Variants in CADM2 observed in about 807,000 individuals in gnomAD.
CADM2 encodes cell adhesion molecule 2.
Under a neutral mutation model 49.8 loss-of-function variants are expected in CADM2, and 12 were observed. That is an observed-to-expected ratio of 0.24 (90% CI 0.15 to 0.39). The LOEUF is 0.39. Ranked by LOEUF, CADM2 falls within the 10% of genes least tolerant of loss-of-function variation. The pLI is 1.00. For missense variants in CADM2, 378 were observed against 492.3 expected, an observed-to-expected ratio of 0.77 and a Z score of 2.20; for synonymous variants, 214 against 175.4, an observed-to-expected ratio of 1.22 and a Z score of -1.74.
chr3:85,985,358 G>C (rs777628621), intron 8 of CADM2, among the ~76,000 whole-genome samples: 6 of 151,806 alleles, frequency 4.0e-5, no homozygotes, highest in Non-Finnish European at 8.8e-5. Context: ...ACTTCCCCAG[G>C]CCCCAGCTCT....
At chr3:85,076,303 T>TTTTGTGTGTG (rs760904086) in intron 1 of CADM2, among the ~76,000 whole-genome samples, 6 of 139,256 alleles carry the variant, frequency 4.3e-5, no homozygotes, top group Non-Finnish European at 7.7e-5. Context: ...AAAAAAGAAA[T>TTTTGTGTGTG]TGTGTGTGTG....
chr3:85,186,129 T>A (rs1032163820), intron 1 of CADM2, among the ~76,000 whole-genome samples: 3 of 152,168 alleles, frequency 2.0e-5, no homozygotes, highest in Admixed American at 6.6e-5. Context: ...AGTATATTTT[T>A]AAACTAGAAC....
At chr3:85,471,585 T>G (rs2107609966) in intron 1 of CADM2, among the ~76,000 whole-genome samples, 1 of 152,216 alleles carries the variant, frequency 6.6e-6, no homozygotes, top group South Asian at 2.1e-4. Context: ...TAGATTTTCC[T>G]AAGACTTTTC....
chr3:85,460,171 A>G (rs972243296), intron 1 of CADM2, among the ~76,000 whole-genome samples: 5 of 152,108 alleles, frequency 3.3e-5, no homozygotes, highest in African/African-American at 1.2e-4. Flanking sequence ...TAATGTTCAT[A>G]CTAAACTTTA....
At chr3:85,829,658 C>G (rs761085745) in intron 3 of CADM2, among the ~76,000 whole-genome samples, 3 of 151,938 alleles carry the variant, frequency 2.0e-5, no homozygotes, top group Non-Finnish European at 4.4e-5. Flanking sequence ...TATTCTTTGA[C>G]TGACATTTCC....
intron 3 of CADM2, among the ~76,000 whole-genome samples, chr3:85,814,139 G>A (rs753431697): frequency 2.0e-5 from 3 of 152,022 alleles, no homozygotes; most frequent in Non-Finnish European, 4.4e-5. Context: ...GGGCATTATG[G>A]CCATTTTCTC....
At chr3:85,170,952 C>CT (rs1219446782) in intron 1 of CADM2, among the ~76,000 whole-genome samples, 2 of 152,046 alleles carry the variant, frequency 1.3e-5, no homozygotes, top group Non-Finnish European at 2.9e-5. Context: ...CAGCCTGGGG[C>CT]TTTTTTTCAG....
At chr3:85,429,320 C>T (rs60102418) in intron 1 of CADM2, among the ~76,000 whole-genome samples, 6,434 of 151,968 alleles carry the variant, frequency 0.042, 461 homozygotes, top group African/African-American at 0.15. Context: ...TTTTATGCCC[C>T]GCACGATGAA....
At position 84,959,468 on chromosome 3, in the gene CADM2, T is replaced by A. The variant is rs2030225848; in HGVS notation, c.-140T>A. On this transcript the variant is annotated 5_prime_UTR_variant, in exon 1 of 10. Coordinates refer to ENST00000383699, the MANE Select transcript of CADM2 (RefSeq NM_001167675.2). ...GCTGCCGCCGATCCGAGTCCGCGGG[T>A]TCGAACACCGCAGCGGTGGGGACGG... The A allele has an allele frequency of 2.6e-6, 2 of 754,978 alleles. No individual in the cohort carries two copies. The highest frequency in any genetic ancestry group is 3.5e-5 in the South Asian group (2 of 56,366). 46.8% of individuals were successfully genotyped at this position (754,978 alleles called of 1,614,324 possible). A position where few individuals can be genotyped will look rare whatever the true frequency, so the allele number is the denominator to read the frequency against.
chr3:85,260,150 G>A (rs903664824), intron 1 of CADM2, among the ~76,000 whole-genome samples: 2 of 151,904 alleles, frequency 1.3e-5, no homozygotes, highest in Non-Finnish European at 2.9e-5. Flanking sequence ...CACAATCAAT[G>A]TGAAAAAATG....
intron 3 of CADM2, among the ~76,000 whole-genome samples, chr3:85,864,969 C>G (rs1396336808): frequency 2.0e-5 from 3 of 152,170 alleles, no homozygotes; most frequent in African/African-American, 7.2e-5. Context: ...CTTAATCTCT[C>G]TAGTCACTTA....
intron 1 of CADM2, among the ~76,000 whole-genome samples, chr3:85,213,352 T>C (rs112478800): frequency 9.1e-6 from 1 of 110,262 alleles, no homozygotes; most frequent in Non-Finnish European, 1.9e-5. Flanking sequence ...TCTAGTATAA[T>C]TTTTTTTTTC....
chr3:85,615,871 T>C (rs934250914), intron 1 of CADM2, among the ~76,000 whole-genome samples: 1 of 151,904 alleles, frequency 6.6e-6, no homozygotes, highest in African/African-American at 2.4e-5. Context: ...ATGAGTTGGG[T>C]TGCTATCCAT....
chr3:85,777,038 TA>T (rs1005495754), intron 2 of CADM2, among the ~76,000 whole-genome samples: 3 of 152,084 alleles, frequency 2.0e-5, no homozygotes, highest in African/African-American at 7.2e-5. Flanking sequence ...TGTTTCCTTT[TA>T]AACCGTTTCA....
chr3:85,757,720 A>G (rs757863368), intron 2 of CADM2, among the ~76,000 whole-genome samples: 7 of 152,144 alleles, frequency 4.6e-5, no homozygotes, highest in South Asian at 2.1e-4. Context: ...TTTATGACTT[A>G]GTATATAATG....
rs1055537523 is a variant in CADM2 at position 85,342,050 on chromosome 3, G to T, written c.61+382382G>T. 2.4e-4 allele frequency among the ~76,000 whole-genome samples: 37 copies of T among 152,090 alleles called. 1 individual carries two copies. Among genetic ancestry groups the T allele is most frequent in the Admixed American group, 2.4e-3 (37 of 15,254 alleles). On this transcript the variant is annotated intron_variant, in intron 1 of 9. Coordinates refer to ENST00000383699, the MANE Select transcript of CADM2 (RefSeq NM_001167675.2). ...ACTAAAGAGCTTCTGAACAGCAAAA[G>T]AAACTATCATCACAGTGAACAGGCA...
chr3:86,013,448 A>G (rs1731805068), intron 8 of CADM2: 3 of 1,584,700 alleles, frequency 1.9e-6, no homozygotes, highest in Non-Finnish European at 2.6e-6. Context: ...ACTTTCAAGC[A>G]CTGCTGGAGT....
intron 1 of CADM2, among the ~76,000 whole-genome samples, chr3:85,194,567 T>C (rs2041292382): frequency 6.6e-6 from 1 of 151,902 alleles, no homozygotes; most frequent in Admixed American, 6.6e-5. Flanking sequence ...CACTAGAGTG[T>C]GAATGAAGGA....
intron 1 of CADM2, among the ~76,000 whole-genome samples, chr3:84,984,858 A>T (rs1291052811): frequency 6.6e-6 from 1 of 152,190 alleles, no homozygotes; most frequent in Non-Finnish European, 1.5e-5. Flanking sequence ...CCAAACATTA[A>T]TGGGTAAATG....
Sources: gnomAD v4.1 joint callset for allele counts (sites outside exome capture counted in the v4.1 genomes callset) on GRCh38, gnomAD v4.1.1 for gene constraint, MANE v1.5 for transcripts, NCBI Gene and HGNC (gene_info 2026-07-23, HGNC 2026-07-21) for gene names.